The following ARHGAP15 variants were observed in gnomAD, a reference collection of about 807,000 sequenced individuals.
ARHGAP15 encodes Rho GTPase activating protein 15.
In ARHGAP15, 51 loss-of-function variants were observed where a neutral mutation model predicts 63.7. The ratio of observed to expected loss-of-function variants is 0.80; its 90% CI spans 0.64 to 1.01. The LOEUF (loss-of-function observed/expected upper bound fraction) is 1.01. Among genes scored for constraint, ARHGAP15 ranks in the 50% least tolerant of loss-of-function variants. The pLI, the probability that ARHGAP15 is intolerant of heterozygous loss-of-function variation, is 0.00. For synonymous variants in ARHGAP15, 191 were observed against 193.8 expected, an observed-to-expected ratio of 0.99 and a Z score of 0.12; for missense variants, 560 against 564.6, an observed-to-expected ratio of 0.99 and a Z score of 0.08.
intron 13 of ARHGAP15, among the ~76,000 whole-genome samples, chr2:143,765,109 A>ATGTGTGTGTGTGTGTGTGTG (rs60894627): frequency 1.4e-4 from 20 of 147,518 alleles, no homozygotes; most frequent in African/African-American, 4.8e-4. Flanking sequence ...CCTCTAAAAT[A>ATGTGTGTGTGTGTGTGTGTG]TGTGTGTGTG....
chr2:143,713,916 G>C (rs1684695591), intron 13 of ARHGAP15, among the ~76,000 whole-genome samples: 1 of 152,192 alleles, frequency 6.6e-6, no homozygotes, highest in Admixed American at 6.5e-5. Flanking sequence ...TCATAGGCTG[G>C]CATCGAGTGT....
At chr2:143,628,083 G>GGTTTTCT (rs1286917935) in intron 12 of ARHGAP15, among the ~76,000 whole-genome samples, 2 of 152,084 alleles carry the variant, frequency 1.3e-5, no homozygotes, top group African/African-American at 4.8e-5. Flanking sequence ...TGGGGTATTT[G>GGTTTTCT]GTTTTCTGTC....
chr2:143,616,635 G>A (rs750362718), intron 11 of ARHGAP15, among the ~76,000 whole-genome samples: 11 of 152,104 alleles, frequency 7.2e-5, no homozygotes, highest in Admixed American at 1.3e-4. Flanking sequence ...TCCCTCTGTC[G>A]TAATTCAAGG....
At chr2:143,745,227 C>G (rs1466409274) in intron 13 of ARHGAP15, among the ~76,000 whole-genome samples, 2 of 152,218 alleles carry the variant, frequency 1.3e-5, no homozygotes, top group Non-Finnish European at 1.5e-5. Context: ...TACTTTTCTG[C>G]TGAATGGCAC....
At chr2:143,466,828 G>T (rs1691233462) in intron 8 of ARHGAP15, among the ~76,000 whole-genome samples, 1 of 151,958 alleles carries the variant, frequency 6.6e-6, no homozygotes, top group Non-Finnish European at 1.5e-5. Context: ...CAGTTTAGCA[G>T]GTAGATGAAA....
At chr2:143,303,430 C>A (rs556282339) in intron 6 of ARHGAP15, among the ~76,000 whole-genome samples, 4 of 152,076 alleles carry the variant, frequency 2.6e-5, no homozygotes, top group African/African-American at 9.6e-5. Context: ...AAAGCTGAAA[C>A]TGGATCCCTT....
intron 12 of ARHGAP15, among the ~76,000 whole-genome samples, chr2:143,664,236 T>G (rs574072408): frequency 6.6e-6 from 1 of 152,184 alleles, no homozygotes; most frequent in South Asian, 2.1e-4. Flanking sequence ...CACAGTGCAA[T>G]CAAACTAGAA....
intron 13 of ARHGAP15, among the ~76,000 whole-genome samples, chr2:143,765,220 C>T (rs1410571452): frequency 5.3e-5 from 8 of 151,106 alleles, no homozygotes; most frequent in Admixed American, 3.3e-4. Flanking sequence ...ACCTGCATTG[C>T]CTGTATTGTG....
At chr2:143,589,914 C>G (rs545446250) in intron 11 of ARHGAP15, among the ~76,000 whole-genome samples, 1 of 152,280 alleles carries the variant, frequency 6.6e-6, no homozygotes, top group South Asian at 2.1e-4. Context: ...ATGTGTGTAA[C>G]TTAACAACTC....
chr2:143,318,906 T>C (rs764816231), intron 6 of ARHGAP15, among the ~76,000 whole-genome samples: 1 of 152,158 alleles, frequency 6.6e-6, no homozygotes, highest in East Asian at 1.9e-4. Flanking sequence ...TTTAAACCAT[T>C]GACCAATAAG....
intron 7 of ARHGAP15, among the ~76,000 whole-genome samples, chr2:143,435,954 C>T (rs1689595817): frequency 6.6e-6 from 1 of 151,582 alleles, no homozygotes; most frequent in Admixed American, 6.6e-5. Context: ...CATTCATTTA[C>T]TGGAGGCTGT....
intron 6 of ARHGAP15, among the ~76,000 whole-genome samples, chr2:143,332,035 A>T (rs1447660076): frequency 6.6e-6 from 1 of 152,142 alleles, no homozygotes; most frequent in Non-Finnish European, 1.5e-5. Context: ...ACAAAACCCT[A>T]GAAAATAATA....
At chr2:143,155,772 T>C in intron 2 of ARHGAP15, 117 bp downstream of exon 2, 2 of 1,039,222 alleles carry the variant, frequency 1.9e-6, no homozygotes, top group Non-Finnish European at 2.7e-6. Context: ...GAGAAAACTG[T>C]TTTTGTAATG....
At chr2:143,346,204 ACACACACACTCTCTCT>A (rs1460780454) in intron 6 of ARHGAP15, among the ~76,000 whole-genome samples, 349 of 144,580 alleles carry the variant, frequency 2.4e-3, no homozygotes, top group Middle Eastern at 3.5e-3. Context: ...TCTCTCTCTC[ACACACACACTCTCTCT>A]CACACACACT....
intron 5 of ARHGAP15, among the ~76,000 whole-genome samples, chr2:143,242,716 C>T (rs1190951579): frequency 2.6e-5 from 4 of 152,138 alleles, no homozygotes; most frequent in African/African-American, 9.7e-5. Flanking sequence ...AAACCCACAT[C>T]TTATAATCAA....
At chr2:143,678,395 C>G (rs1301263769) in intron 12 of ARHGAP15, among the ~76,000 whole-genome samples, 1 of 152,088 alleles carries the variant, frequency 6.6e-6, no homozygotes, top group Non-Finnish European at 1.5e-5. Context: ...AATAAAAAGT[C>G]AAGAAAAAAC....
chr2:143,313,734 T>G (rs1683556028), intron 6 of ARHGAP15, among the ~76,000 whole-genome samples: 1 of 152,184 alleles, frequency 6.6e-6, no homozygotes, highest in Non-Finnish European at 1.5e-5. Context: ...TAATTGCTGT[T>G]CAGCTTTGTA....
At chr2:143,477,842 C>A (rs1347448034) in intron 8 of ARHGAP15, among the ~76,000 whole-genome samples, 2 of 152,298 alleles carry the variant, frequency 1.3e-5, no homozygotes, top group African/African-American at 2.4e-5. Context: ...TGTGAAGCAA[C>A]CAGGAACAAA....
intron 11 of ARHGAP15, among the ~76,000 whole-genome samples, chr2:143,598,218 A>C (rs1697603186): frequency 6.6e-6 from 1 of 152,318 alleles, no homozygotes; most frequent in East Asian, 1.9e-4. Flanking sequence ...AAGAACATCT[A>C]AACTAATAGG....
Sources: gnomAD v4.1 joint callset for allele counts (sites outside exome capture counted in the v4.1 genomes callset) on GRCh38, gnomAD v4.1.1 for gene constraint, MANE v1.5 for transcripts, NCBI Gene and HGNC (gene_info 2026-07-23, HGNC 2026-07-21) for gene names.